Variants in SLC13A1 observed in about 807,000 individuals in gnomAD.
SLC13A1 encodes the protein solute carrier family 13 member 1, also known as Na(+)/sulfate cotransporter.
Under a neutral mutation model 70.0 loss-of-function variants are expected in SLC13A1, and 65 were observed. The observed-to-expected ratio is 0.93, with a 90% CI of 0.76 to 1.14. The LOEUF (loss-of-function observed/expected upper bound fraction) is 1.14. SLC13A1 is among the 50% of genes most tolerant of loss of function. The pLI is 0.00. For synonymous variants in SLC13A1, 275 were observed against 250.5 expected, an observed-to-expected ratio of 1.10 and a Z score of -0.92; for missense variants, 726 against 717.8, an observed-to-expected ratio of 1.01 and a Z score of -0.13.
At chr7:123,151,179 C>A (rs1794542217) in intron 6 of SLC13A1, among the ~76,000 whole-genome samples, 1 of 151,812 alleles carries the variant, frequency 6.6e-6, no homozygotes, top group Admixed American at 6.6e-5. Flanking sequence ...CAAAAATTAA[C>A]CATGCTTGGT....
chr7:123,123,325 A>T, intron 11 of SLC13A1, 90 bp from the exon 12 acceptor site: 1 of 792,158 alleles, frequency 1.3e-6, no homozygotes. Flanking sequence ...TCTTACAGGA[A>T]GTTTGTAATA....
intron 13 of SLC13A1, 41 bp downstream of exon 13, chr7:123,119,040 C>T (rs772707131): frequency 6.4e-7 from 1 of 1,564,414 alleles, no homozygotes; most frequent in Non-Finnish European, 8.7e-7. Flanking sequence ...CAGAGTACTG[C>T]TCTTAATGAA....
chr7:123,161,111 GT>G (rs1481002118), intron 6 of SLC13A1, among the ~76,000 whole-genome samples: 1 of 151,538 alleles, frequency 6.6e-6, no homozygotes, highest in African/African-American at 2.4e-5. Flanking sequence ...GGAGTCAGAA[GT>G]TGGTTCTTTG....
In SLC13A1 at chr7:123,148,392, C is replaced by T. The variant is rs1468681571; in HGVS notation, c.661-1082G>A. ...CAGTTCTCCACCTCAGTCACCCCAC[C>T]CCCATAGTTATACCTTGGACAATGG... On this transcript the variant is annotated intron_variant, in intron 6 of 14. Transcript: ENST00000194130. 3 of 396,946 alleles carry T rather than the reference C, an allele frequency of 7.6e-6. No homozygotes were observed. In the East Asian group the frequency reaches 2.4e-4, roughly 32 times the overall value. 24.6% of individuals were successfully genotyped at this position (396,946 alleles called of 1,614,324 possible). A position where few individuals can be genotyped will look rare whatever the true frequency, so the allele number is the denominator to read the frequency against.
intron 6 of SLC13A1, among the ~76,000 whole-genome samples, chr7:123,167,436 C>G (rs527992744): frequency 2.6e-5 from 4 of 152,208 alleles, no homozygotes; most frequent in African/African-American, 9.6e-5. Flanking sequence ...TTGCTCTTTC[C>G]TAGAAGATTT....
intron 6 of SLC13A1, among the ~76,000 whole-genome samples, chr7:123,157,422 C>G (rs370767040): frequency 2.6e-5 from 4 of 151,988 alleles, no homozygotes; most frequent in Non-Finnish European, 5.9e-5. Flanking sequence ...TAAAATGTAG[C>G]ATTAAGGACA....
intron 1 of SLC13A1, among the ~76,000 whole-genome samples, chr7:123,184,716 C>A (rs1563354267): frequency 6.6e-6 from 1 of 151,752 alleles, no homozygotes; most frequent in Non-Finnish European, 1.5e-5. Context: ...TTTATCCATT[C>A]ATCTGTTGAT....
intron 12 of SLC13A1, among the ~76,000 whole-genome samples, chr7:123,120,186 T>A (rs1291393110): frequency 6.6e-6 from 1 of 152,026 alleles, no homozygotes; most frequent in Non-Finnish European, 1.5e-5. Context: ...TATTATGACG[T>A]TCCTTCTCCT....
intron 2 of SLC13A1, among the ~76,000 whole-genome samples, chr7:123,173,922 A>G (rs1795357056): frequency 1.3e-5 from 2 of 151,048 alleles, no homozygotes; most frequent in Admixed American, 6.6e-5. Flanking sequence ...CTCTAGGTAT[A>G]AGTATTTCAG....
Position 123,181,097 on chromosome 7 carries a change from G to C in SLC13A1, c.104C>G (p.Ala35Gly), listed in dbSNP as rs1563351856. ...CACAAAGAGTGTGTAGGCACATTCT[G>C]CTTCCTGGTAAGAACAAATGCAAAG... is the stretch of plus-strand genomic sequence containing the variant. Reference protein sequence around the residue: ...PLPIVLHTKEAECAYTLFVVA... With the variant: ...PLPIVLHTKEGECAYTLFVVA... Residue 35 changes from alanine (A) to glycine (G), a missense_variant, in exon 2 of 15, where the codon GCA becomes GGA. Physicochemically the swap from Ala to Gly is moderately conservative, Grantham distance 60. Coordinates refer to ENST00000194130, the MANE Select transcript of SLC13A1 (RefSeq NM_022444.4). The C allele has an allele frequency of 6.2e-7, 1 of 1,611,070 alleles. No individual in the cohort carries two copies. Among genetic ancestry groups the C allele is most frequent in the Non-Finnish European group, 8.5e-7 (1 of 1,178,326 alleles).
Position 123,134,493 on chromosome 7 carries a change from T to G in SLC13A1, c.849A>C (p.Ser283=). 10 of 1,613,390 alleles carry G rather than the reference T, an allele frequency of 6.2e-6. No individual in the cohort carries two copies. Among genetic ancestry groups the G allele is most frequent in the Non-Finnish European group, 7.6e-6 (9 of 1,179,534 alleles). The change falls in exon 8 of 15, where the codon TCA becomes TCC. Residue 283 remains serine, a synonymous_variant. Coordinates refer to ENST00000194130, the MANE Select transcript of SLC13A1 (RefSeq NM_022444.4). ...CAGCTGGGAAGGAAAACGTAAACCA[T>G]GATCCAAAGTTGAGGCAACGACAGT... The part of the protein sequence containing the change: ...YPDCRCLNFG[S]WFTFSFPAAL...
chr7:123,136,212 C>CA (rs1793943807), intron 7 of SLC13A1, among the ~76,000 whole-genome samples: 1 of 152,132 alleles, frequency 6.6e-6, no homozygotes, highest in Admixed American at 6.5e-5. Flanking sequence ...GAGAATCCTG[C>CA]AAAATGTATT....
chr7:123,166,222 G>C (rs1360553233), intron 6 of SLC13A1, among the ~76,000 whole-genome samples: 1 of 151,986 alleles, frequency 6.6e-6, no homozygotes, highest in African/African-American at 2.4e-5. Flanking sequence ...TGCCTACAAT[G>C]CCTGGGACAG....
At chr7:123,155,807 A>G (rs950800003) in intron 6 of SLC13A1, among the ~76,000 whole-genome samples, 4 of 152,020 alleles carry the variant, frequency 2.6e-5, no homozygotes, top group African/African-American at 9.7e-5. Context: ...CTGACACCCG[A>G]AAGGCATAGA....
At position 123,189,906 on chromosome 7, in the gene SLC13A1, AT is replaced by A. The variant is rs1298946304; in HGVS notation, c.100-8806del. Among the ~76,000 whole-genome samples, 8 of 152,200 alleles carry A rather than the reference AT, an allele frequency of 5.3e-5. No homozygotes were observed. In the East Asian group the frequency reaches 1.4e-3, roughly 26 times the overall value. ...CTAATTAAGTTGTTTGTACTTACAA[AT>A]GCATTTGAGAGCTCATCTTTTTTAA... On this transcript the variant is annotated intron_variant, in intron 1 of 14. Coordinates refer to ENST00000194130, the MANE Select transcript of SLC13A1 (RefSeq NM_022444.4).
chr7:123,116,320 A>G (rs1220372132), intron 14 of SLC13A1, among the ~76,000 whole-genome samples: 1 of 152,232 alleles, frequency 6.6e-6, no homozygotes, highest in Non-Finnish European at 1.5e-5. Context: ...GTTTTGGTAA[A>G]TAAAGTTTTA....
chr7:123,168,196 G>A (rs1795135858), intron 6 of SLC13A1, among the ~76,000 whole-genome samples, 178 bp downstream of exon 6: 1 of 152,144 alleles, frequency 6.6e-6, no homozygotes, highest in Non-Finnish European at 1.5e-5. Flanking sequence ...CTATCCAGAT[G>A]TTGATTTCTG....
At chr7:123,133,890 T>C (rs559417808) in intron 8 of SLC13A1, among the ~76,000 whole-genome samples, 1 of 152,094 alleles carries the variant, frequency 6.6e-6, no homozygotes, top group Non-Finnish European at 1.5e-5. Flanking sequence ...CAGGCTGTAG[T>C]GCAGTGGTGT....
intron 8 of SLC13A1, among the ~76,000 whole-genome samples, chr7:123,130,912 C>G (rs993274026): frequency 4.0e-5 from 6 of 151,890 alleles, no homozygotes; most frequent in African/African-American, 1.5e-4. Context: ...CCAGTGTCTT[C>G]GAAACTGAAC....
Sources: allele counts gnomAD v4.1 joint callset (sites outside exome capture counted in the v4.1 genomes callset), GRCh38; gene constraint gnomAD v4.1.1; transcripts MANE v1.5; gene names NCBI Gene and HGNC (gene_info 2026-07-23, HGNC 2026-07-21).